The following STAMBPL1 variants were observed in gnomAD, a reference collection of about 807,000 sequenced individuals.
STAMBPL1 encodes STAM binding protein like 1.
A neutral mutation model predicts 52.9 loss-of-function variants in STAMBPL1; 44 were observed. That is an observed-to-expected ratio of 0.83 (90% CI 0.65 to 1.07). The LOEUF is 1.07. Ranked by LOEUF, STAMBPL1 falls within the 50% of genes least tolerant of loss-of-function variation. The probability of loss-of-function intolerance (pLI) is 0.00; values close to 1 mark genes in which losing one functional copy is unlikely to be tolerated. For missense variants in STAMBPL1, 511 were observed against 520.8 expected (o/e 0.98, Z 0.18); for synonymous variants, 164 against 177.3 (o/e 0.92, Z 0.60).
In STAMBPL1 at chr10:88,916,753, A is replaced by G; in HGVS notation, c.977A>G (p.Glu326Gly). The change falls in exon 8 of 11, where the codon GAG (glutamate) becomes GGG (glycine). Residue 326 changes from glutamate to glycine, a missense_variant. By Grantham distance (98) the Glu-to-Gly change is moderately conservative. This residue lies in a region of STAMBPL1 where 137 missense variants were observed against 139.9 expected (regional missense o/e 0.98). Transcript: ENST00000371926. ...QSAGPDYCDM[E>G]NVEELFNVQD... The stretch of plus-strand genomic sequence containing the variant: ...GCGGGACCAGACTATTGTGACATGG[A>G]GAATGTAGAGGAATTATTCAATGTT... 2 of 1,610,416 alleles carry G rather than the reference A, an allele frequency of 1.2e-6. No individual in the cohort carries two copies. The highest frequency in any genetic ancestry group is 1.7e-6 in the Non-Finnish European group (2 of 1,178,462).
chr10:88,903,835 G>A (rs1845007950), intron 2 of STAMBPL1, among the ~76,000 whole-genome samples: 1 of 152,188 alleles, frequency 6.6e-6, no homozygotes, highest in Non-Finnish European at 1.5e-5. Context: ...AAATGTACAA[G>A]GGACATGGTA....
chr10:88,880,823 G>T (rs1844384217), intron 1 of STAMBPL1, among the ~76,000 whole-genome samples, 185 bp downstream of exon 1: 1 of 152,234 alleles, frequency 6.6e-6, no homozygotes, highest in African/African-American at 2.4e-5. Flanking sequence ...TGCCAGTCAT[G>T]CAATCGGCCG....
At chr10:88,907,338 G>T (rs1205512139) in intron 3 of STAMBPL1, among the ~76,000 whole-genome samples, 1 of 152,126 alleles carries the variant, frequency 6.6e-6, no homozygotes, top group Non-Finnish European at 1.5e-5. Context: ...TTTAGAGAAT[G>T]GTTGGCAACC....
intron 5 of STAMBPL1, 147 bp downstream of exon 5, chr10:88,911,158 A>T: frequency 4.0e-6 from 2 of 499,388 alleles, no homozygotes; most frequent in African/African-American, 2.0e-5. Context: ...TAAAAAATTT[A>T]TGCTGATATC....
At chr10:88,919,582 A>G (rs545687495) in intron 8 of STAMBPL1, among the ~76,000 whole-genome samples, 1 of 152,246 alleles carries the variant, frequency 6.6e-6, no homozygotes, top group East Asian at 1.9e-4. Flanking sequence ...AACAATTTTT[A>G]ATTTCTCACG....
At chr10:88,898,203 T>G (rs996220916) in intron 1 of STAMBPL1, among the ~76,000 whole-genome samples, 4 of 152,240 alleles carry the variant, frequency 2.6e-5, no homozygotes, top group African/African-American at 7.2e-5. Flanking sequence ...TTATATTTAC[T>G]GTATTAAAAA....
At chr10:88,909,715 C>T (rs956930269) in intron 4 of STAMBPL1, among the ~76,000 whole-genome samples, 8 of 152,148 alleles carry the variant, frequency 5.3e-5, no homozygotes, top group Non-Finnish European at 1.0e-4. Context: ...AATTCTCTGC[C>T]TCAGCTTCCT....
chr10:88,922,575 A>G (rs1845542342), intron 10 of STAMBPL1, 139 bp downstream of exon 10: 1 of 668,658 alleles, frequency 1.5e-6, no homozygotes, highest in Non-Finnish European at 2.5e-6. Context: ...CAGAAAATTA[A>G]TCTATCTGTA....
At chr10:88,917,421 C>T (rs1432695047) in intron 8 of STAMBPL1, among the ~76,000 whole-genome samples, 1 of 152,116 alleles carries the variant, frequency 6.6e-6, no homozygotes, top group African/African-American at 2.4e-5. Flanking sequence ...ACCAGGCCAT[C>T]ATAGGAGCAA....
intron 5 of STAMBPL1, 93 bp from the exon 6 acceptor site, chr10:88,913,008 T>A: frequency 9.1e-7 from 1 of 1,102,308 alleles, no homozygotes. Context: ...ATCTAGCATT[T>A]TCTCTGTCTG....
At chr10:88,909,611 A>T (rs940917508) in intron 4 of STAMBPL1, among the ~76,000 whole-genome samples, 3 of 152,066 alleles carry the variant, frequency 2.0e-5, no homozygotes, top group African/African-American at 7.2e-5. Flanking sequence ...TTATTTATTT[A>T]TTTATTTAGA....
intron 1 of STAMBPL1, among the ~76,000 whole-genome samples, chr10:88,883,014 C>A: frequency 8.5e-6 from 1 of 117,186 alleles, no homozygotes; most frequent in Non-Finnish European, 1.7e-5. Context: ...CCCCCCTCCC[C>A]CCACCCCACG....
At chr10:88,919,687 G>C (rs183582963) in intron 8 of STAMBPL1, among the ~76,000 whole-genome samples, 14 of 152,140 alleles carry the variant, frequency 9.2e-5, no homozygotes, top group African/African-American at 3.4e-4. Context: ...CTGAAGATTT[G>C]CATTTTAAAA....
intron 2 of STAMBPL1, among the ~76,000 whole-genome samples, chr10:88,904,266 A>G (rs1589366215): frequency 2.0e-5 from 3 of 152,342 alleles, no homozygotes; most frequent in Admixed American, 1.3e-4. Flanking sequence ...CTGTACAGGC[A>G]TAAGTACCTC....
intron 2 of STAMBPL1, among the ~76,000 whole-genome samples, chr10:88,903,974 C>A (rs1395573912): frequency 6.6e-6 from 1 of 152,158 alleles, no homozygotes; most frequent in Non-Finnish European, 1.5e-5. Flanking sequence ...CCAAAGTAGA[C>A]CAGATGGCAT....
At chr10:88,917,277 T>C (rs1845395903) in intron 8 of STAMBPL1, among the ~76,000 whole-genome samples, 1 of 152,190 alleles carries the variant, frequency 6.6e-6, no homozygotes, top group Non-Finnish European at 1.5e-5. Context: ...GTGTTTCTTT[T>C]AAACATGTGT....
rs1468969905 is a variant in STAMBPL1 at position 88,911,318 on chromosome 10, C to T, written c.420+307C>T. Among the ~76,000 whole-genome samples the T allele has an allele frequency of 2.0e-5, 3 of 152,188 alleles. No homozygotes were observed. In the South Asian group the frequency reaches 6.2e-4, roughly 31 times the overall value. ...CAGATAACCTTGAGCCAGATGGCTG[C>T]TCTTTTGCCAGATGAACAGCCAGTA... On this transcript the variant is annotated intron_variant, in intron 5 of 10. Coordinates refer to ENST00000371926, the MANE Select transcript of STAMBPL1 (RefSeq NM_020799.4).
In STAMBPL1 at chr10:88,923,476, T is replaced by C; in HGVS notation, c.*252T>C. 1 of 1,202,972 alleles carries C rather than the reference T, an allele frequency of 8.3e-7. No homozygotes were observed. The highest frequency in any genetic ancestry group is 1.0e-6 in the Non-Finnish European group (1 of 969,150). The allele number at this position is 1,202,972 out of a possible 1,614,324, so 74.5% of individuals were successfully genotyped here. On this transcript the variant is annotated 3_prime_UTR_variant, in exon 11 of 11. Coordinates refer to ENST00000371926, the MANE Select transcript of STAMBPL1 (RefSeq NM_020799.4). ...AATACTATGGCCAGATAATAAATTG[T>C]GCTGCAAACAACATGTCTTGTATTT...
At chr10:88,901,801 T>C (rs376118713) in intron 2 of STAMBPL1, 63 bp downstream of exon 2, 1 of 1,513,394 alleles carries the variant, frequency 6.6e-7, no homozygotes, top group Non-Finnish European at 9.1e-7. Context: ...AACAGAAACA[T>C]ACAAATGTGA....
Sources: allele counts gnomAD v4.1 joint callset (sites outside exome capture counted in the v4.1 genomes callset), GRCh38; gene constraint gnomAD v4.1.1; regional missense constraint gnomAD v4.1.1; transcripts MANE v1.5; gene names NCBI Gene and HGNC (gene_info 2026-07-23, HGNC 2026-07-21).